DMD: variants seen among roughly 807,000 people sequenced by gnomAD.
DMD encodes mutant dystrophin.
A neutral mutation model predicts 330.1 loss-of-function variants in DMD; 63 were observed. That is an observed-to-expected ratio of 0.19 (90% CI 0.16 to 0.24). The LOEUF (loss-of-function observed/expected upper bound fraction) is 0.24, where lower values mean the gene tolerates loss of function less well. Among genes scored for constraint, DMD ranks in the 10% least tolerant of loss-of-function variants. The pLI, the probability that DMD is intolerant of heterozygous loss-of-function variation, is 1.00. For missense variants in DMD, 3,344 were observed against 2,684.1 expected (o/e 1.25, Z -5.43); for synonymous variants, 1,223 against 959.8 (o/e 1.27, Z -5.07).
intron 42 of DMD, among the ~76,000 whole-genome samples, chrX:32,290,664 T>A (rs1285560067): frequency 8.9e-6 from 1 of 112,217 alleles, no homozygotes; most frequent in East Asian, 2.8e-4. Context: ...ATACATAAGG[T>A]CCACTGAGCA....
chrX:31,558,076 A>G (rs2074958246), intron 55 of DMD, among the ~76,000 whole-genome samples: 2 of 112,319 alleles, frequency 1.8e-5, no homozygotes, highest in African/African-American at 6.5e-5. Context: ...ACAATGACAG[A>G]AATTATTGGA....
intron 43 of DMD, among the ~76,000 whole-genome samples, chrX:32,218,589 C>A (rs1403182500): frequency 1.8e-5 from 2 of 112,069 alleles, no homozygotes; most frequent in Admixed American, 1.9e-4. Flanking sequence ...GCTACATCTG[C>A]CTACTGATGT....
Position 31,766,130 on chromosome X carries a change from A to G in DMD, c.7542+7830T>C, listed in dbSNP as rs373057850. On this transcript the variant is annotated intron_variant, in intron 51 of 78. Transcript: ENST00000357033. Reference sequence around the variant, plus strand: ...CAGAAAATTAAAAAAAAACCTTATTACATTGCTTTCCTGTAAGAAAGTTAG... The same window carrying G: ...CAGAAAATTAAAAAAAAACCTTATTGCATTGCTTTCCTGTAAGAAAGTTAG... 6.3e-5 allele frequency among the ~76,000 whole-genome samples: 7 copies of G among 111,753 alleles called. No homozygotes were observed. The East Asian group carries it at 2.0e-3, about 31-fold the overall frequency.
At chrX:32,317,375 C>T (rs1179873194) in intron 41 of DMD, among the ~76,000 whole-genome samples, 1 of 111,136 alleles carries the variant, frequency 9.0e-6, no homozygotes, top group Non-Finnish European at 1.9e-5. Flanking sequence ...ATGATCTAAA[C>T]TTAAAGTCAA....
At chrX:32,360,450 C>T (rs183781689) in intron 37 of DMD, among the ~76,000 whole-genome samples, 1 of 111,433 alleles carries the variant, frequency 9.0e-6, no homozygotes, top group Non-Finnish European at 1.9e-5. Flanking sequence ...AAAACAAATA[C>T]TTTGAAAAGC....
At chrX:31,753,585 A>T (rs1053858948) in intron 51 of DMD, among the ~76,000 whole-genome samples, 1 of 112,048 alleles carries the variant, frequency 8.9e-6, no homozygotes, top group Non-Finnish European at 1.9e-5. Flanking sequence ...ACATGAAAAT[A>T]TTTTAAAAGA....
chrX:31,540,283 C>G (rs755872555), intron 55 of DMD, among the ~76,000 whole-genome samples: 3 of 112,098 alleles, frequency 2.7e-5, no homozygotes, highest in Non-Finnish European at 3.8e-5. Context: ...ACTCACTAGA[C>G]TCTTTTTCAC....
At chrX:32,685,930 T>G (rs747399507) in intron 9 of DMD, among the ~76,000 whole-genome samples, 4 of 112,104 alleles carry the variant, frequency 3.6e-5, no homozygotes, top group African/African-American at 1.3e-4. Flanking sequence ...TTAAAGTCAC[T>G]CTAATTATTA....
At chrX:31,219,491 CA>C (rs780386474) in intron 64 of DMD, among the ~76,000 whole-genome samples, 1 of 110,941 alleles carries the variant, frequency 9.0e-6, no homozygotes, top group African/African-American at 3.3e-5. Context: ...CCACTCCATA[CA>C]AAAAATGGAA....
chrX:32,728,170 C>G (rs1309258918), intron 7 of DMD, among the ~76,000 whole-genome samples: 1 of 111,000 alleles, frequency 9.0e-6, no homozygotes, highest in African/African-American at 3.3e-5. Context: ...TGTACTAAAA[C>G]TTGTCTAGAA....
chrX:32,361,345 C>T (rs1412127790), intron 37 of DMD, among the ~76,000 whole-genome samples: 1 of 111,380 alleles, frequency 9.0e-6, no homozygotes, highest in Non-Finnish European at 1.9e-5. Flanking sequence ...TAATGACTGA[C>T]TCAAATATAT....
At chrX:31,386,964 CT>C (rs1467700093) in intron 60 of DMD, among the ~76,000 whole-genome samples, 1 of 111,681 alleles carries the variant, frequency 9.0e-6, no homozygotes, top group Non-Finnish European at 1.9e-5. Context: ...GAATATTGCT[CT>C]TTTTTGCGTA....
At chrX:31,644,628 C>T (rs2079973728) in intron 54 of DMD, among the ~76,000 whole-genome samples, 1 of 111,905 alleles carries the variant, frequency 8.9e-6, no homozygotes, top group Non-Finnish European at 1.9e-5. Flanking sequence ...GGAGCAGAAC[C>T]CAGCGCAAGC....
chrX:32,171,745 A>G (rs999191272), intron 44 of DMD, among the ~76,000 whole-genome samples: 1 of 111,924 alleles, frequency 8.9e-6, no homozygotes, highest in African/African-American at 3.2e-5. Flanking sequence ...CTTGAAATGT[A>G]CATAGACCTT....
At chrX:31,958,630 CA>C (rs2095270569) in intron 45 of DMD, among the ~76,000 whole-genome samples, 1 of 111,625 alleles carries the variant, frequency 9.0e-6, no homozygotes, top group African/African-American at 3.3e-5. Context: ...TTTTCCACAG[CA>C]GTGCTTAATG....
At chrX:32,000,361 C>T (rs181444346) in intron 44 of DMD, among the ~76,000 whole-genome samples, 234 of 112,018 alleles carry the variant, frequency 2.1e-3, no homozygotes, top group Non-Finnish European at 3.3e-3. Flanking sequence ...ATAGGTTGAA[C>T]ATAAATGCAA....
At chrX:32,679,813 T>C (rs757717657) in intron 9 of DMD, among the ~76,000 whole-genome samples, 1 of 109,008 alleles carries the variant, frequency 9.2e-6, no homozygotes, top group South Asian at 4.0e-4. Flanking sequence ...CATGTTTTTT[T>C]CATTCCCTTT....
chrX:33,131,301 A>G (rs1201167987), intron 1 of DMD, among the ~76,000 whole-genome samples: 1 of 111,219 alleles, frequency 9.0e-6, no homozygotes, highest in East Asian at 2.8e-4. Context: ...GAACTTCTTT[A>G]AGAAAAAAAC....
intron 16 of DMD, among the ~76,000 whole-genome samples, chrX:32,556,272 T>G (rs1185775396): frequency 9.0e-6 from 1 of 111,158 alleles, no homozygotes; most frequent in African/African-American, 3.3e-5. Context: ...AGATAACATC[T>G]CACGCCAGTC....
Sources: allele counts gnomAD v4.1 joint callset (sites outside exome capture counted in the v4.1 genomes callset), GRCh38; gene constraint gnomAD v4.1.1; transcripts MANE v1.5; gene names NCBI Gene and HGNC (gene_info 2026-07-23, HGNC 2026-07-21).